The following PSG9 variants were observed in gnomAD, a reference collection of about 807,000 sequenced individuals.
PSG9 encodes pregnancy specific beta-1-glycoprotein 9.
PSG9 carries 49 observed loss-of-function variants against 41.9 expected under a neutral mutation model. The observed-to-expected ratio is 1.17, with a 90% CI of 0.93 to 1.48. The LOEUF (loss-of-function observed/expected upper bound fraction) is 1.48. Among genes scored for constraint, PSG9 ranks in the 40% most tolerant of loss-of-function variants. The pLI, the probability that PSG9 is intolerant of heterozygous loss-of-function variation, is 0.00. For synonymous variants in PSG9, 263 were observed against 196.8 expected, an observed-to-expected ratio of 1.34 and a Z score of -2.82; for missense variants, 641 against 520.3, an observed-to-expected ratio of 1.23 and a Z score of -2.26.
rs561963926 is a variant in PSG9 at position 43,263,029 on chromosome 19, G to A, written c.431-891C>T. Among the ~76,000 whole-genome samples the A allele has an allele frequency of 1.6e-4, 24 of 152,328 alleles. 1 individual carries two copies. Among genetic ancestry groups the A allele is most frequent in the Non-Finnish European group, 2.9e-4 (20 of 68,018 alleles). ...AGTCTGGCCCTCAAGGACCATATGC[G>A]TTTGGTGGATATTAGACCAATATTT... On this transcript the variant is annotated intron_variant, in intron 2 of 5. Transcript: ENST00000270077.
At chr19:43,268,197 G>T (rs545542148) in intron 1 of PSG9, 48 bp from the exon 2 acceptor site, 3 of 1,534,350 alleles carry the variant, frequency 2.0e-6, no homozygotes, top group Non-Finnish European at 1.8e-6. Flanking sequence ...TATGTATTGT[G>T]GTGAAAAGAT....
At chr19:43,264,381 C>T (rs534851824) in intron 2 of PSG9, among the ~76,000 whole-genome samples, 107 of 152,162 alleles carry the variant, frequency 7.0e-4, no homozygotes, top group Non-Finnish European at 1.3e-3. Context: ...TCTATTGACA[C>T]ATCCTCAAGC....
chr19:43,261,391 G>A (rs553306931), intron 3 of PSG9, among the ~76,000 whole-genome samples: 2 of 152,266 alleles, frequency 1.3e-5, no homozygotes, highest in East Asian at 3.9e-4. Context: ...TGTGAGGCAG[G>A]AGAGATTGGG....
chr19:43,264,406 T>G (rs1265912071), intron 2 of PSG9, among the ~76,000 whole-genome samples: 1 of 152,154 alleles, frequency 6.6e-6, no homozygotes, highest in Non-Finnish European at 1.5e-5. Context: ...GATTCTTTCC[T>G]CAGCTGTGTG....
At chr19:43,260,571 A>T (rs1460104722) in intron 3 of PSG9, 1 of 146,230 alleles carries the variant, frequency 6.8e-6, no homozygotes, top group African/African-American at 2.6e-5. Flanking sequence ...CTGCACTCAT[A>T]TATTTTTTAA....
chr19:43,269,083 C>A (rs1209022930), intron 1 of PSG9, among the ~76,000 whole-genome samples: 6 of 151,986 alleles, frequency 3.9e-5, no homozygotes, highest in Non-Finnish European at 8.8e-5. Flanking sequence ...CGGCTAGCTG[C>A]AACTTCTGCC....
chr19:43,267,667 G>C, intron 2 of PSG9, 117 bp downstream of exon 2: 9 of 1,535,166 alleles, frequency 5.9e-6, no homozygotes, highest in Non-Finnish European at 8.1e-6. Context: ...CCAAACCCCA[G>C]CATGGGACAT....
At position 43,255,408 on chromosome 19, in the gene PSG9, C is replaced by A. The variant is rs1263978453; in HGVS notation, c.1244-1762G>T. The stretch of plus-strand genomic sequence containing the variant: ...AAAAACCCAATGCTAGCATCATACT[C>A]AATGGAGAAAGACTGAAAGCTTTCC... On this transcript the variant is annotated intron_variant, in intron 5 of 5. Coordinates refer to ENST00000270077, the MANE Select transcript of PSG9 (RefSeq NM_002784.5). Among the ~76,000 whole-genome samples, 3 of 146,460 alleles carry A rather than the reference C, an allele frequency of 2.0e-5. 1 individual carries two copies. The highest frequency in any genetic ancestry group is 2.0e-4 in the Admixed American group (3 of 14,706).
At chr19:43,266,657 A>T (rs2122124261) in intron 2 of PSG9, among the ~76,000 whole-genome samples, 1 of 152,270 alleles carries the variant, frequency 6.6e-6, no homozygotes, top group South Asian at 2.1e-4. Context: ...CAGACTAATC[A>T]GCTGACCATT....
rs1180389026 is a variant in PSG9, at chr19:43,261,924, A to G, written c.645T>C (p.Tyr215=). 2.5e-6 allele frequency: 4 copies of G among 1,614,076 alleles called. No individual in the cohort carries two copies. The highest frequency in any genetic ancestry group is 3.3e-5 in the Admixed American group (2 of 60,034). ...TCACTGGGTTCCGTATTTCACATTC[A>G]TAGGGTCCTGCAATATACTTTGTGA... is the stretch of plus-strand genomic sequence containing the variant. ...FGVTKYIAGP[Y]ECEIRNPVSA... Residue 215 remains tyrosine (Y), a synonymous_variant, in exon 3 of 6, where the codon TAT becomes TAC. Coordinates refer to ENST00000270077, the MANE Select transcript of PSG9 (RefSeq NM_002784.5).
rs756431857 is a variant in PSG9, at chr19:43,262,067, T to G, written c.502A>C (p.Ile168Leu). 2 of 1,613,840 alleles carry G rather than the reference T, an allele frequency of 1.2e-6. No individual in the cohort carries two copies. The highest frequency in any genetic ancestry group is 4.5e-5 in the East Asian group (2 of 44,882). ...GCGTCCAGAGTCTCAGGATCACAGATTAAGCGCACAGCCTCCATGGCCTCC... is the reference window on the plus strand; with the variant it reads ...GCGTCCAGAGTCTCAGGATCACAGAGTAAGCGCACAGCCTCCATGGCCTCC... ...PREAMEAVRL[I>L]CDPETLDASY... Residue 168 changes from isoleucine to leucine, a missense_variant, in exon 3 of 6, where the codon ATC becomes CTC. By Grantham distance (5) the Ile-to-Leu change is conservative. Coordinates refer to ENST00000270077, the MANE Select transcript of PSG9 (RefSeq NM_002784.5).
Position 43,259,126 on chromosome 19 carries a change from G to T in PSG9, c.719C>A (p.Pro240His), listed in dbSNP as rs1445009004. ...GTTGTTGATGGTGATGTAGGGGATG[G>T]GCAGCTTCGCTGTGTGGATAACAGA... The part of the protein sequence containing the change: ...PVTLNLLPKL[P>H]IPYITINNLN... Residue 240 changes from proline (P) to histidine (H), a missense_variant, in exon 4 of 6, where the codon CCC becomes CAC. Transcript: ENST00000270077. The T allele has an allele frequency of 6.3e-7, 1 of 1,590,256 alleles. No individual in the cohort carries two copies. The highest frequency in any genetic ancestry group is 8.5e-7 in the Non-Finnish European group (1 of 1,174,266).
At chr19:43,262,647 C>T (rs1439605724) in intron 2 of PSG9, among the ~76,000 whole-genome samples, 4 of 152,144 alleles carry the variant, frequency 2.6e-5, no homozygotes, top group Non-Finnish European at 5.9e-5. Context: ...CTGGGTACTT[C>T]AGCAGAAATA....
rs533589063 is a variant in PSG9, at chr19:43,259,317, G to T, written c.710-182C>A. ...CTAAGGGCTCAAAGACTGTGAGGCC[G>T]CCTGCTCTGTCTTAGGGAAGCACAG... On this transcript the variant is annotated intron_variant, in intron 3 of 5. Transcript: ENST00000270077. 36 of 1,178,090 alleles carry T rather than the reference G, an allele frequency of 3.1e-5. 1 individual carries two copies. The highest frequency in any genetic ancestry group is 1.7e-4 in the Admixed American group (6 of 36,170). The allele number at this position is 1,178,090 out of a possible 1,614,324, so 73.0% of individuals were successfully genotyped here.
At chr19:43,265,276 T>C (rs915346960) in intron 2 of PSG9, among the ~76,000 whole-genome samples, 1 of 152,122 alleles carries the variant, frequency 6.6e-6, no homozygotes, top group African/African-American at 2.4e-5. Flanking sequence ...TCACAGTTTC[T>C]ATAATCCCTG....
At chr19:43,264,395 G>T (rs1968867517) in intron 2 of PSG9, among the ~76,000 whole-genome samples, 1 of 151,882 alleles carries the variant, frequency 6.6e-6, no homozygotes, top group Non-Finnish European at 1.5e-5. Flanking sequence ...CTCAAGCTAG[G>T]GATTCTTTCC....
chr19:43,253,593 G>T lies in PSG9; in HGVS notation c.*16C>A, dbSNP rs758288515. On this transcript the variant is annotated 3_prime_UTR_variant, in exon 6 of 6. Transcript: ENST00000270077. ...GTATCAGCCTGTTCTTTTTCTCAGT[G>T]TCTCAGTTGTTGCAGTCATGACTGA... 1 of 776,306 alleles carries T rather than the reference G, an allele frequency of 1.3e-6. No individual in the cohort carries two copies. Among genetic ancestry groups the T allele is most frequent in the Admixed American group, 2.0e-5 (1 of 48,882 alleles). 48.1% of individuals were successfully genotyped at this position (776,306 alleles called of 1,614,324 possible). A position where few individuals can be genotyped will look rare whatever the true frequency, so the allele number is the denominator to read the frequency against.
At position 43,261,846 on chromosome 19, in the gene PSG9, C is replaced by G. The variant is rs752582349; in HGVS notation, c.709+14G>C. 8.7e-6 allele frequency: 14 copies of G among 1,614,068 alleles called. No homozygotes were observed. The South Asian group carries it at 1.3e-4, about 15-fold the overall frequency. ...GATGGCAGCCTGGCTCACAGAGGAA[C>G]AGAAGATACTCACGGAGGAGATTCA... On this transcript the variant is annotated intron_variant, in intron 3 of 5. Coordinates refer to ENST00000270077, the MANE Select transcript of PSG9 (RefSeq NM_002784.5).
At chr19:43,268,603 T>G (rs1969097924) in intron 1 of PSG9, among the ~76,000 whole-genome samples, 1 of 152,184 alleles carries the variant, frequency 6.6e-6, no homozygotes, top group Admixed American at 6.5e-5. Flanking sequence ...TCTCTTCGCA[T>G]GTCTGTCTTC....
Sources: gnomAD v4.1 joint callset for allele counts (sites outside exome capture counted in the v4.1 genomes callset) on GRCh38, gnomAD v4.1.1 for gene constraint, MANE v1.5 for transcripts, NCBI Gene and HGNC (gene_info 2026-07-23, HGNC 2026-07-21) for gene names.